The following CNBD1 variants were observed in gnomAD, a reference collection of about 807,000 sequenced individuals.
The protein encoded by CNBD1 is cyclic nucleotide binding domain containing 1, also known as cyclic nucleotide-binding domain-containing protein 1.
A neutral mutation model predicts 54.4 loss-of-function variants in CNBD1; 71 were observed. The ratio of observed to expected loss-of-function variants is 1.30; its 90% CI spans 1.08 to 1.59. CNBD1 has a LOEUF of 1.59. Ranked by LOEUF, CNBD1 falls within the 40% of genes most tolerant of loss-of-function variation. The pLI is 0.00. For synonymous variants in CNBD1, 182 were observed against 170.7 expected (o/e 1.07, Z -0.51); for missense variants, 659 against 518.0 (o/e 1.27, Z -2.64).
chr8:87,084,056 G>A (rs1201815173), intron 4 of CNBD1, among the ~76,000 whole-genome samples: 1 of 152,038 alleles, frequency 6.6e-6, no homozygotes, highest in Non-Finnish European at 1.5e-5. Flanking sequence ...CTCTTCAAAT[G>A]TTTTACAGAA....
In CNBD1 at chr8:87,354,048, G is replaced by A. The variant is rs192378213; in HGVS notation, c.1303+262G>A. Among the ~76,000 whole-genome samples the A allele has an allele frequency of 1.9e-3, 288 of 152,148 alleles. 1 individual carries two copies. The highest frequency in any genetic ancestry group is 5.6e-3 in the South Asian group (27 of 4,820). ...TGAGGACTTGATGCCGAGGTTTGAT[G>A]CAGGGGCTGCCTGAGGCTTGGTCTC... On this transcript the variant is annotated intron_variant, in intron 10 of 10. Transcript: ENST00000518476.
intron 5 of CNBD1, among the ~76,000 whole-genome samples, chr8:87,215,490 A>G (rs1179310314): frequency 1.3e-5 from 2 of 151,394 alleles, no homozygotes; most frequent in Admixed American, 6.6e-5. Flanking sequence ...CCAGAGGCTG[A>G]GGCAGGAGAA....
chr8:87,053,532 G>T (rs1056349329), intron 4 of CNBD1, among the ~76,000 whole-genome samples: 1 of 152,194 alleles, frequency 6.6e-6, no homozygotes, highest in African/African-American at 2.4e-5. Flanking sequence ...AAGACAGAAG[G>T]GGTGTCCCCC....
At chr8:87,204,236 A>G (rs75891649) in intron 4 of CNBD1, among the ~76,000 whole-genome samples, 2,297 of 152,268 alleles carry the variant, frequency 0.015, 29 homozygotes, top group Admixed American at 0.036. Context: ...AGTATCTTCT[A>G]TGAGGCAGCA....
chr8:87,159,241 T>C (rs1303629387), intron 4 of CNBD1, among the ~76,000 whole-genome samples: 1 of 152,134 alleles, frequency 6.6e-6, no homozygotes, highest in Non-Finnish European at 1.5e-5. Flanking sequence ...CTTCAGGCTA[T>C]ATAAACACCA....
rs532286680 is a variant in CNBD1 at position 87,143,716 on chromosome 8, C to A, written c.432-62277C>A. Among the ~76,000 whole-genome samples the A allele has an allele frequency of 2.0e-4, 31 of 152,242 alleles. No homozygotes were observed. In the South Asian group the frequency reaches 5.4e-3, roughly 26 times the overall value. ...TTAAATATCCAAACCTGTGTTGAAT[C>A]AGGACTGTGAGTGATCTTAGTATGT... On this transcript the variant is annotated intron_variant, in intron 4 of 10. Coordinates refer to ENST00000518476, the MANE Select transcript of CNBD1 (RefSeq NM_173538.3).
intron 4 of CNBD1, among the ~76,000 whole-genome samples, chr8:87,139,602 AGGG>A (rs1336678909): frequency 2.0e-5 from 3 of 152,190 alleles, no homozygotes; most frequent in African/African-American, 7.2e-5. Flanking sequence ...GAGTGGTGTC[AGGG>A]AGCAGGTGAG....
intron 4 of CNBD1, among the ~76,000 whole-genome samples, chr8:86,943,401 G>C (rs997936251): frequency 1.5e-5 from 2 of 137,366 alleles, no homozygotes; most frequent in Non-Finnish European, 3.1e-5. Flanking sequence ...GAAATGCAAA[G>C]ATATCTGATA....
chr8:86,897,673 TC>T (rs1359435720), intron 2 of CNBD1, among the ~76,000 whole-genome samples: 1 of 152,196 alleles, frequency 6.6e-6, no homozygotes, highest in Non-Finnish European at 1.5e-5. Flanking sequence ...AATGTTTTTT[TC>T]CTCTTCTGAT....
chr8:87,318,711 G>GT (rs889202417), intron 8 of CNBD1, among the ~76,000 whole-genome samples: 1 of 148,994 alleles, frequency 6.7e-6, no homozygotes, highest in African/African-American at 2.6e-5. Flanking sequence ...GAGATGGGGA[G>GT]GGGGGGCATT....
chr8:86,960,932 A>T (rs1807913825), intron 4 of CNBD1, among the ~76,000 whole-genome samples: 2 of 152,234 alleles, frequency 1.3e-5, no homozygotes, highest in Admixed American at 6.5e-5. Flanking sequence ...CCTGACTGTT[A>T]GAAGGAAAAC....
intron 3 of CNBD1, among the ~76,000 whole-genome samples, chr8:86,913,625 G>C (rs1809138253): frequency 6.6e-6 from 1 of 152,064 alleles, no homozygotes. Context: ...GCACAAATAG[G>C]GTGTTGTTCA....
chr8:87,389,591 G>T (rs150886764), intron 2 of CNBD1, among the ~76,000 whole-genome samples: 1,698 of 152,236 alleles, frequency 0.011, 13 homozygotes, highest in Non-Finnish European at 0.018. Flanking sequence ...ACTGCTCGAA[G>T]TAATAAAAGA....
intron 8 of CNBD1, among the ~76,000 whole-genome samples, chr8:87,342,374 G>A (rs1189412587): frequency 2.0e-5 from 3 of 151,784 alleles, no homozygotes; most frequent in Non-Finnish European, 4.4e-5. Flanking sequence ...CCACTGTCTT[G>A]TTTGAAACCA....
intron 3 of CNBD1, among the ~76,000 whole-genome samples, chr8:86,932,662 A>G (rs114524867): frequency 1.8e-3 from 271 of 152,146 alleles, no homozygotes; most frequent in African/African-American, 6.1e-3. Flanking sequence ...TTTTTTTTCC[A>G]TCAGAGAGAG....
At chr8:86,937,735 T>C (rs995390177) in intron 3 of CNBD1, among the ~76,000 whole-genome samples, 1 of 30,850 alleles carries the variant, frequency 3.2e-5, no homozygotes. Context: ...CATGAAACCA[T>C]TTTTTCCTCC....
intron 8 of CNBD1, among the ~76,000 whole-genome samples, chr8:87,301,847 A>G (rs1300802069): frequency 1.3e-5 from 2 of 152,194 alleles, no homozygotes; most frequent in South Asian, 2.1e-4. Flanking sequence ...CCATCAGAGA[A>G]TAATATAAAC....
intron 4 of CNBD1, among the ~76,000 whole-genome samples, chr8:87,187,306 A>AT (rs898171631): frequency 3.3e-5 from 5 of 151,960 alleles, no homozygotes; most frequent in East Asian, 1.9e-4. Context: ...GATCCATGTG[A>AT]TTTTTTTGTC....
At position 87,071,707 on chromosome 8, in the gene CNBD1, G is replaced by A. The variant is rs191180504; in HGVS notation, c.431+131953G>A. On this transcript the variant is annotated intron_variant, in intron 4 of 10. Coordinates refer to ENST00000518476, the MANE Select transcript of CNBD1 (RefSeq NM_173538.3). ...TTGTTATTTCAGTTCTTTTGCAGTT[G>A]CTGAGGAATATTTTACTCCTGATTA... Among the ~76,000 whole-genome samples, 8 of 152,218 alleles carry A rather than the reference G, an allele frequency of 5.3e-5. No homozygotes were observed. In the East Asian group the frequency reaches 1.5e-3, roughly 29 times the overall value.
Sources: gnomAD v4.1 joint callset for allele counts (sites outside exome capture counted in the v4.1 genomes callset) on GRCh38, gnomAD v4.1.1 for gene constraint, MANE v1.5 for transcripts, NCBI Gene and HGNC (gene_info 2026-07-23, HGNC 2026-07-21) for gene names.